The following CNTNAP2 variants were observed in gnomAD, a reference collection of about 807,000 sequenced individuals.
CNTNAP2 encodes contactin associated protein 2.
Under a neutral mutation model 155.2 loss-of-function variants are expected in CNTNAP2, and 98 were observed. The ratio of observed to expected loss-of-function variants is 0.63; its 90% CI spans 0.54 to 0.75. CNTNAP2 has a LOEUF of 0.75. Among genes scored for constraint, CNTNAP2 ranks in the 30% least tolerant of loss-of-function variants. The pLI, the probability that CNTNAP2 is intolerant of heterozygous loss-of-function variation, is 0.00. For missense variants in CNTNAP2, 1,727 were observed against 1,688.1 expected (o/e 1.02, Z -0.40); for synonymous variants, 651 against 631.2 (o/e 1.03, Z -0.47).
chr7:148,264,042 G>A (rs907091915), intron 20 of CNTNAP2, among the ~76,000 whole-genome samples: 4 of 151,930 alleles, frequency 2.6e-5, no homozygotes, highest in African/African-American at 9.7e-5. Context: ...ATTAACAACT[G>A]TTAATGTCAA....
chr7:146,138,253 T>G (rs1024132965), intron 1 of CNTNAP2, among the ~76,000 whole-genome samples: 1 of 152,156 alleles, frequency 6.6e-6, no homozygotes, highest in Non-Finnish European at 1.5e-5. Flanking sequence ...ATGTACTTTG[T>G]GCATTGAATT....
At chr7:148,022,882 T>C (rs1172420173) in intron 15 of CNTNAP2, among the ~76,000 whole-genome samples, 1 of 152,108 alleles carries the variant, frequency 6.6e-6, no homozygotes, top group Non-Finnish European at 1.5e-5. Context: ...AGAAAGAGTG[T>C]CTTCATGCTT....
chr7:147,174,895 C>T (rs957569651), intron 8 of CNTNAP2, among the ~76,000 whole-genome samples: 1 of 152,020 alleles, frequency 6.6e-6, no homozygotes, highest in Non-Finnish European at 1.5e-5. Context: ...ATAGATAGAT[C>T]GCACTATAAG....
intron 3 of CNTNAP2, among the ~76,000 whole-genome samples, chr7:146,934,989 A>C (rs1281187304): frequency 6.6e-6 from 1 of 152,226 alleles, no homozygotes; most frequent in Non-Finnish European, 1.5e-5. Context: ...TGCTATTGTG[A>C]CATTGATGAT....
intron 9 of CNTNAP2, among the ~76,000 whole-genome samples, chr7:147,351,064 TG>T (rs1170744078): frequency 6.6e-6 from 1 of 151,802 alleles, no homozygotes; most frequent in Non-Finnish European, 1.5e-5. Flanking sequence ...AATCTTTCTT[TG>T]GAGTCAGTGA....
chr7:147,120,928 A>G (rs1801098024), intron 5 of CNTNAP2, 51 bp from the exon 6 acceptor site: 1 of 1,529,156 alleles, frequency 6.5e-7, no homozygotes, highest in Non-Finnish European at 9.0e-7. Context: ...TGCTTCACAG[A>G]GTTGGCCATA....
At chr7:146,613,289 T>C (rs1799170040) in intron 1 of CNTNAP2, among the ~76,000 whole-genome samples, 1 of 152,182 alleles carries the variant, frequency 6.6e-6, no homozygotes, top group Non-Finnish European at 1.5e-5. Context: ...AGAACTCTGA[T>C]AGACAATCTA....
chr7:146,998,455 A>C (rs967839502), intron 3 of CNTNAP2, among the ~76,000 whole-genome samples: 3 of 152,096 alleles, frequency 2.0e-5, no homozygotes, highest in South Asian at 4.1e-4. Flanking sequence ...TATAGCATCT[A>C]TCCTGGAGAA....
chr7:148,137,089 G>A (rs1363954253), intron 16 of CNTNAP2, among the ~76,000 whole-genome samples: 2 of 152,154 alleles, frequency 1.3e-5, no homozygotes, highest in Non-Finnish European at 2.9e-5. Flanking sequence ...GGAAACATAT[G>A]AACTCAAGGG....
At chr7:146,640,029 C>A (rs563378230) in intron 1 of CNTNAP2, among the ~76,000 whole-genome samples, 1 of 152,204 alleles carries the variant, frequency 6.6e-6, no homozygotes, top group Non-Finnish European at 1.5e-5. Flanking sequence ...TCCTGGTCCT[C>A]CTTAAGTTCC....
chr7:148,018,837 G>A (rs1441712049), intron 15 of CNTNAP2, among the ~76,000 whole-genome samples: 1 of 152,160 alleles, frequency 6.6e-6, no homozygotes, highest in Non-Finnish European at 1.5e-5. Context: ...AAGGTTTTTT[G>A]TTTGTTAAGT....
intron 5 of CNTNAP2, among the ~76,000 whole-genome samples, chr7:147,112,435 CCTTGT>C (rs1800899396): frequency 6.6e-6 from 1 of 152,142 alleles, no homozygotes; most frequent in Admixed American, 6.5e-5. Context: ...GAGAAGGCAT[CCTTGT>C]CTTGTGACAG....
intron 10 of CNTNAP2, among the ~76,000 whole-genome samples, chr7:147,430,591 C>A (rs192099530): frequency 7.5e-4 from 114 of 152,258 alleles, no homozygotes; most frequent in Non-Finnish European, 1.8e-4. Flanking sequence ...AGGCACCACC[C>A]ACCAGTGCTC....
rs189901214 is a variant in CNTNAP2, at chr7:146,556,016, A to C, written c.98-218255A>C. Among the ~76,000 whole-genome samples, 168 of 152,350 alleles carry C rather than the reference A, an allele frequency of 1.1e-3. 1 individual carries two copies. The highest frequency in any genetic ancestry group is 3.4e-3 in the Middle Eastern group (1 of 294). On this transcript the variant is annotated intron_variant, in intron 1 of 23. Coordinates refer to ENST00000361727, the MANE Select transcript of CNTNAP2 (RefSeq NM_014141.6). ...ACACCTGTAATTCTTAATAAACTTC[A>C]TTAAATAGCAATGTCTAATTATTTT... is the stretch of plus-strand genomic sequence containing the variant.
chr7:147,467,941 G>A (rs1274322975), intron 10 of CNTNAP2, among the ~76,000 whole-genome samples: 1 of 152,088 alleles, frequency 6.6e-6, no homozygotes, highest in Non-Finnish European at 1.5e-5. Flanking sequence ...TGAAGAGGGA[G>A]GATTGCTTGA....
chr7:147,110,001 T>G (rs1282348176), intron 5 of CNTNAP2, among the ~76,000 whole-genome samples: 1 of 152,158 alleles, frequency 6.6e-6, no homozygotes. Flanking sequence ...CTCTGCTCAC[T>G]GCCACCTCTG....
At chr7:147,875,618 C>T (rs1381769595) in intron 13 of CNTNAP2, among the ~76,000 whole-genome samples, 2 of 152,002 alleles carry the variant, frequency 1.3e-5, no homozygotes, top group East Asian at 1.9e-4. Context: ...CATGACCAGG[C>T]ACAATGGCTC....
chr7:146,812,445 A>ATATATATATATATATAAAAT (rs1386547927), intron 2 of CNTNAP2, among the ~76,000 whole-genome samples: 1 of 144,570 alleles, frequency 6.9e-6, no homozygotes, highest in African/African-American at 2.6e-5. Context: ...ATATATAAAA[A>ATATATATATATATATAAAAT]ATATATATAT....
chr7:147,780,781 A>C (rs1015040994), intron 13 of CNTNAP2, among the ~76,000 whole-genome samples: 2 of 152,184 alleles, frequency 1.3e-5, no homozygotes, highest in African/African-American at 2.4e-5. Flanking sequence ...GAAGTATAAG[A>C]AGTGGGGTCT....
Sources: gnomAD v4.1 joint callset for allele counts (sites outside exome capture counted in the v4.1 genomes callset) on GRCh38, gnomAD v4.1.1 for gene constraint, MANE v1.5 for transcripts, NCBI Gene and HGNC (gene_info 2026-07-23, HGNC 2026-07-21) for gene names.